NKAIN2: variants seen among roughly 807,000 people sequenced by gnomAD.
The protein encoded by NKAIN2 is sodium/potassium transporting ATPase interacting 2, also known as sodium/potassium-transporting ATPase subunit beta-1-interacting protein 2.
A neutral mutation model predicts 32.6 loss-of-function variants in NKAIN2; 14 were observed. The ratio of observed to expected loss-of-function variants is 0.43; its 90% confidence interval spans 0.28 to 0.67. NKAIN2 has a LOEUF of 0.67. Among genes scored for constraint, NKAIN2 ranks in the 30% least tolerant of loss-of-function variants. The probability of loss-of-function intolerance (pLI) is 0.17; values close to 1 mark genes in which losing one functional copy is unlikely to be tolerated. For synonymous variants in NKAIN2, 80 were observed against 87.2 expected (o/e 0.92, Z 0.46); for missense variants, 198 against 258.3 (o/e 0.77, Z 1.60).
chr6:124,374,539 A>G (rs1799901537), intron 3 of NKAIN2, among the ~76,000 whole-genome samples: 1 of 152,146 alleles, frequency 6.6e-6, no homozygotes, highest in African/African-American at 2.4e-5. Context: ...CTTTTGAACC[A>G]ATTAAGGAAA....
intron 1 of NKAIN2, among the ~76,000 whole-genome samples, chr6:123,881,094 T>C (rs972651617): frequency 6.6e-6 from 1 of 152,134 alleles, no homozygotes; most frequent in Non-Finnish European, 1.5e-5. Flanking sequence ...CCATCTTGGC[T>C]AACTGCAACC....
At chr6:124,677,417 C>A (rs1037124116) in intron 4 of NKAIN2, among the ~76,000 whole-genome samples, 1 of 151,872 alleles carries the variant, frequency 6.6e-6, no homozygotes, top group African/African-American at 2.4e-5. Flanking sequence ...TTTTTTTCAT[C>A]TTCTTTCACT....
At chr6:124,257,611 G>A (rs1327127124) in intron 1 of NKAIN2, among the ~76,000 whole-genome samples, 1 of 151,918 alleles carries the variant, frequency 6.6e-6, no homozygotes, top group African/African-American at 2.4e-5. Context: ...GACCTAAAAA[G>A]GTCTACTCTA....
chr6:124,332,279 A>T (rs897936391), intron 2 of NKAIN2, among the ~76,000 whole-genome samples: 1 of 151,828 alleles, frequency 6.6e-6, no homozygotes, highest in African/African-American at 2.4e-5. Flanking sequence ...AAAGAGAGAG[A>T]GTGTATATAT....
At chr6:124,049,727 T>C (rs1782318472) in intron 1 of NKAIN2, among the ~76,000 whole-genome samples, 1 of 152,070 alleles carries the variant, frequency 6.6e-6, no homozygotes, top group Admixed American at 6.6e-5. Flanking sequence ...TTGTCCAGCA[T>C]GTCTACACTG....
chr6:123,823,626 A>T (rs1224437888), intron 1 of NKAIN2, among the ~76,000 whole-genome samples: 1 of 152,182 alleles, frequency 6.6e-6, no homozygotes, highest in African/African-American at 2.4e-5. Context: ...CTTATCAACA[A>T]GTGGGAAGCA....
At chr6:124,399,926 C>T (rs1773556111) in intron 3 of NKAIN2, among the ~76,000 whole-genome samples, 1 of 152,008 alleles carries the variant, frequency 6.6e-6, no homozygotes, top group Non-Finnish European at 1.5e-5. Flanking sequence ...GAATGATAAA[C>T]ATTTAGAGAA....
At chr6:124,734,061 GCACACACACACACA>G (rs61526747) in intron 4 of NKAIN2, among the ~76,000 whole-genome samples, 40 of 145,338 alleles carry the variant, frequency 2.8e-4, no homozygotes, top group African/African-American at 9.1e-4. Context: ...ATGAGGAAAT[GCACACACACACACA>G]CACACACACA....
chr6:123,888,942 A>G (rs776691461), intron 1 of NKAIN2, among the ~76,000 whole-genome samples: 2 of 152,142 alleles, frequency 1.3e-5, no homozygotes, highest in African/African-American at 2.4e-5. Context: ...TTTAAAACCA[A>G]GTGGAGAGTG....
chr6:124,450,623 C>A (rs1045705295), intron 3 of NKAIN2, among the ~76,000 whole-genome samples: 1 of 151,640 alleles, frequency 6.6e-6, no homozygotes, highest in African/African-American at 2.4e-5. Flanking sequence ...AGAAAAGATA[C>A]TTCCATTTAA....
intron 1 of NKAIN2, among the ~76,000 whole-genome samples, chr6:124,024,817 T>C (rs1418151962): frequency 6.6e-6 from 1 of 151,872 alleles, no homozygotes; most frequent in African/African-American, 2.4e-5. Context: ...TGAAACCCTG[T>C]CTCTACTAAA....
At chr6:124,387,649 C>T (rs1028478390) in intron 3 of NKAIN2, among the ~76,000 whole-genome samples, 2 of 152,044 alleles carry the variant, frequency 1.3e-5, no homozygotes, top group South Asian at 2.1e-4. Flanking sequence ...TCAAATCCAG[C>T]GTGCTACCAG....
intron 1 of NKAIN2, among the ~76,000 whole-genome samples, chr6:123,884,539 A>G (rs1773623813): frequency 6.6e-6 from 1 of 152,144 alleles, no homozygotes; most frequent in East Asian, 1.9e-4. Flanking sequence ...ATTACCCCTA[A>G]CACCATAGAT....
intron 3 of NKAIN2, among the ~76,000 whole-genome samples, chr6:124,481,564 T>TG (rs1777453144): frequency 6.6e-6 from 1 of 152,186 alleles, no homozygotes; most frequent in Non-Finnish European, 1.5e-5. Flanking sequence ...ATTCTGTTTT[T>TG]CAAATCTTTT....
At chr6:123,963,694 A>G (rs976420572) in intron 1 of NKAIN2, among the ~76,000 whole-genome samples, 3 of 152,244 alleles carry the variant, frequency 2.0e-5, no homozygotes, top group Non-Finnish European at 1.5e-5. Flanking sequence ...CAGATATTCA[A>G]GGAGACTTCC....
chr6:124,814,515 C>T (rs1020124703), intron 5 of NKAIN2, among the ~76,000 whole-genome samples: 1 of 152,116 alleles, frequency 6.6e-6, no homozygotes, highest in African/African-American at 2.4e-5. Flanking sequence ...TCCGAATAAT[C>T]AGAATGATCA....
rs1020147635 is a variant in NKAIN2, at chr6:123,824,315, T to C, written c.54+20061T>C. 5.3e-5 allele frequency among the ~76,000 whole-genome samples: 8 copies of C among 152,220 alleles called. No individual in the cohort carries two copies. The East Asian group carries it at 1.2e-3, about 22-fold the overall frequency. On this transcript the variant is annotated intron_variant, in intron 1 of 6. Coordinates refer to ENST00000368417, the MANE Select transcript of NKAIN2 (RefSeq NM_001040214.3). ...GCCTTATTCCTAGACTGAACTATTATACATGAACATGATTATCTGTATTGT... is the reference window on the plus strand; with the variant it reads ...GCCTTATTCCTAGACTGAACTATTACACATGAACATGATTATCTGTATTGT...
chr6:124,060,680 C>T (rs936214638), intron 1 of NKAIN2, among the ~76,000 whole-genome samples: 4 of 152,120 alleles, frequency 2.6e-5, no homozygotes, highest in Admixed American at 2.0e-4. Context: ...GAAAGGATAA[C>T]TTTTTCCTTG....
At chr6:124,726,537 C>T (rs1173924724) in intron 4 of NKAIN2, among the ~76,000 whole-genome samples, 1 of 150,182 alleles carries the variant, frequency 6.7e-6, no homozygotes, top group Non-Finnish European at 1.5e-5. Flanking sequence ...AAAGGACATC[C>T]ACACCAAAAA....
Sources: gnomAD v4.1 joint callset for allele counts (sites outside exome capture counted in the v4.1 genomes callset) on GRCh38, gnomAD v4.1.1 for gene constraint, MANE v1.5 for transcripts, NCBI Gene and HGNC (gene_info 2026-07-23, HGNC 2026-07-21) for gene names.